Variants in PDE4B observed in about 807,000 individuals in gnomAD.
The protein encoded by PDE4B is 3',5'-cyclic-AMP phosphodiesterase 4B.
In PDE4B, 20 loss-of-function variants were observed where a neutral mutation model predicts 82.2. The ratio of observed to expected loss-of-function variants is 0.24; its 90% CI spans 0.17 to 0.35. PDE4B has a LOEUF of 0.35. Ranked by LOEUF, PDE4B falls within the 10% of genes least tolerant of loss-of-function variation. The pLI, the probability that PDE4B is intolerant of heterozygous loss-of-function variation, is 1.00. For synonymous variants in PDE4B, 320 were observed against 318.9 expected (o/e 1.00, Z -0.04); for missense variants, 655 against 907.2 (o/e 0.72, Z 3.57).
At chr1:66,221,906 T>TA (rs56153813) in intron 3 of PDE4B, among the ~76,000 whole-genome samples, 73,516 of 151,256 alleles carry the variant, frequency 0.49, 18,911 homozygotes, top group South Asian at 0.64. Context: ...TTTTTTTTTT[T>TA]ATCTCCATGT....
chr1:66,187,109 G>T (rs1324337231), intron 3 of PDE4B, among the ~76,000 whole-genome samples: 3 of 152,256 alleles, frequency 2.0e-5, no homozygotes, highest in African/African-American at 7.2e-5. Flanking sequence ...TTTGGTCGTT[G>T]GTTCTGTTTA....
At chr1:66,190,649 A>G (rs1647701437) in intron 3 of PDE4B, among the ~76,000 whole-genome samples, 1 of 152,216 alleles carries the variant, frequency 6.6e-6, no homozygotes, top group African/African-American at 2.4e-5. Flanking sequence ...GGCGTGGGAT[A>G]TAATCTCCTG....
intron 1 of PDE4B, among the ~76,000 whole-genome samples, chr1:65,876,696 A>G (rs1346385638): frequency 1.3e-5 from 2 of 152,186 alleles, no homozygotes; most frequent in Non-Finnish European, 2.9e-5. Context: ...AGAATTATTA[A>G]TAACTGTTAC....
intron 3 of PDE4B, among the ~76,000 whole-genome samples, chr1:66,202,556 G>A (rs1265303296): frequency 3.9e-5 from 6 of 152,216 alleles, no homozygotes; most frequent in Non-Finnish European, 8.8e-5. Flanking sequence ...ATATATTTAG[G>A]ATAGTTAGCT....
chr1:65,845,548 C>T (rs1198432580), intron 1 of PDE4B, among the ~76,000 whole-genome samples: 1 of 152,102 alleles, frequency 6.6e-6, no homozygotes, highest in Non-Finnish European at 1.5e-5. Flanking sequence ...CAATGTTTTA[C>T]TCTTTGAGAT....
At chr1:65,897,287 C>T (rs1226059707) in intron 1 of PDE4B, among the ~76,000 whole-genome samples, 1 of 152,198 alleles carries the variant, frequency 6.6e-6, no homozygotes, top group East Asian at 1.9e-4. Flanking sequence ...CATTGGCTTG[C>T]ATAGAATAAA....
At chr1:66,328,637 T>A (rs1440763970) in intron 7 of PDE4B, among the ~76,000 whole-genome samples, 1 of 152,246 alleles carries the variant, frequency 6.6e-6, no homozygotes, top group African/African-American at 2.4e-5. Context: ...GTCACCTGCC[T>A]GTCTCCCTGG....
rs80043406 is a variant in PDE4B, at chr1:65,890,372, C to T, written c.-70-22873C>T. Among the ~76,000 whole-genome samples, 1,360 of 152,038 alleles carry T rather than the reference C, an allele frequency of 8.9e-3. 22 individuals are homozygous for T. Among genetic ancestry groups the T allele is most frequent in the African/African-American group, 0.03 (1,259 of 41,478 alleles). ...GTTAAAATCTAAACTGTTCTTTCCCCTAGAAACTGGGGAATTCTGGAGATT... is the reference window on the plus strand; with the variant it reads ...GTTAAAATCTAAACTGTTCTTTCCCTTAGAAACTGGGGAATTCTGGAGATT... On this transcript the variant is annotated intron_variant, in intron 1 of 16. Coordinates refer to ENST00000341517, the MANE Select transcript of PDE4B (RefSeq NM_002600.4).
At chr1:66,338,247 C>T (rs1660673651) in intron 8 of PDE4B, among the ~76,000 whole-genome samples, 1 of 152,130 alleles carries the variant, frequency 6.6e-6, no homozygotes, top group Non-Finnish European at 1.5e-5. Flanking sequence ...ATATCCAGTC[C>T]ATCTGACTTA....
At chr1:65,895,212 G>A (rs1646895546) in intron 1 of PDE4B, among the ~76,000 whole-genome samples, 1 of 152,060 alleles carries the variant, frequency 6.6e-6, no homozygotes, top group Non-Finnish European at 1.5e-5. Context: ...TCAGCTTAAA[G>A]TAGGTGAGTT....
At chr1:65,973,910 TCAA>T (rs1376486987) in intron 3 of PDE4B, among the ~76,000 whole-genome samples, 1 of 152,144 alleles carries the variant, frequency 6.6e-6, no homozygotes, top group Admixed American at 6.5e-5. Flanking sequence ...CCTCCTGGGT[TCAA>T]ACAATTCCCC....
intron 1 of PDE4B, among the ~76,000 whole-genome samples, chr1:65,833,993 G>A (rs1428304192): frequency 6.6e-6 from 1 of 152,036 alleles, no homozygotes; most frequent in African/African-American, 2.4e-5. Context: ...ATAATGATGT[G>A]CTATATAATA....
chr1:66,221,719 A>G (rs1013666809), intron 3 of PDE4B, among the ~76,000 whole-genome samples: 4 of 152,292 alleles, frequency 2.6e-5, no homozygotes, highest in African/African-American at 9.6e-5. Flanking sequence ...AGATAAGATC[A>G]TTGAGGAACT....
chr1:65,919,909 A>G (rs923891858), intron 3 of PDE4B, among the ~76,000 whole-genome samples: 2 of 152,202 alleles, frequency 1.3e-5, no homozygotes, highest in Non-Finnish European at 2.9e-5. Context: ...ATAGCATCAA[A>G]TATTTAATCA....
chr1:66,339,771 T>A (rs1331024051), intron 8 of PDE4B, among the ~76,000 whole-genome samples: 1 of 152,146 alleles, frequency 6.6e-6, no homozygotes, highest in Admixed American at 6.5e-5. Flanking sequence ...GCAGAATAAA[T>A]GTTTAGTCTC....
intron 7 of PDE4B, among the ~76,000 whole-genome samples, chr1:66,279,381 G>T (rs1232258266): frequency 6.6e-6 from 1 of 152,026 alleles, no homozygotes; most frequent in Non-Finnish European, 1.5e-5. Context: ...TAAACCGTTT[G>T]GAAATAAGAA....
chr1:66,293,696 A>C (rs1429697686), intron 7 of PDE4B, among the ~76,000 whole-genome samples: 2 of 152,192 alleles, frequency 1.3e-5, no homozygotes, highest in African/African-American at 4.8e-5. Context: ...TAAAACACAC[A>C]CACAAAATCT....
At chr1:66,150,694 A>G (rs1185323191) in intron 3 of PDE4B, among the ~76,000 whole-genome samples, 3 of 152,158 alleles carry the variant, frequency 2.0e-5, no homozygotes. Flanking sequence ...CTTTCATCGG[A>G]TTGCAGAAAT....
At chr1:66,192,584 G>A (rs1352376353) in intron 3 of PDE4B, among the ~76,000 whole-genome samples, 2 of 152,140 alleles carry the variant, frequency 1.3e-5, no homozygotes, top group African/African-American at 4.8e-5. Flanking sequence ...CCCTAGCGGA[G>A]TCTCAGTCAC....
Sources: gnomAD v4.1 joint callset for allele counts (sites outside exome capture counted in the v4.1 genomes callset) on GRCh38, gnomAD v4.1.1 for gene constraint, MANE v1.5 for transcripts, NCBI Gene and HGNC (gene_info 2026-07-23, HGNC 2026-07-21) for gene names.